The following TMEM151A variants were observed in gnomAD, a reference collection of about 807,000 sequenced individuals.
TMEM151A encodes the protein transmembrane protein 151.
TMEM151A carries 21 observed loss-of-function variants against 33.7 expected under a neutral mutation model. The ratio of observed to expected loss-of-function variants is 0.62; its 90% CI spans 0.44 to 0.90. The LOEUF (loss-of-function observed/expected upper bound fraction) is 0.90, where lower values mean the gene tolerates loss of function less well. Ranked by LOEUF, TMEM151A falls within the 40% of genes least tolerant of loss-of-function variation. TMEM151A has a pLI of 0.00. For synonymous variants in TMEM151A, 374 were observed against 330.3 expected, an observed-to-expected ratio of 1.13 and a Z score of -1.43; for missense variants, 704 against 697.7, an observed-to-expected ratio of 1.01 and a Z score of -0.10.
rs755396787 is a variant in TMEM151A, at chr11:66,294,418, G to A, written c.172G>A (p.Val58Met). The change falls in exon 2 of 2, where the codon GTG becomes ATG. Residue 58 changes from valine (V) to methionine (M), a missense_variant. Around this residue, in one of 3 missense-constraint regions of TMEM151A, gnomAD observed 301 missense variants for 323.4 expected, o/e 0.93. Coordinates refer to ENST00000327259, the MANE Select transcript of TMEM151A (RefSeq NM_153266.4). ...LTLLIHACGA[V>M]VAWCRLATVP... Reference sequence around the variant, plus strand: ...GCTGCTCATCCACGCCTGCGGGGCCGTGGTGGCCTGGTGTCGCCTGGCCAC... The same window carrying A: ...GCTGCTCATCCACGCCTGCGGGGCCATGGTGGCCTGGTGTCGCCTGGCCAC... The A allele has an allele frequency of 3.1e-5, 50 of 1,611,450 alleles. No homozygotes were observed. Among genetic ancestry groups the A allele is most frequent in the Non-Finnish European group, 3.8e-5 (45 of 1,179,674 alleles).
chr11:66,294,067 G>A (rs1279583530), intron 1 of TMEM151A, among the ~76,000 whole-genome samples: 2 of 152,240 alleles, frequency 1.3e-5, no homozygotes, highest in East Asian at 3.8e-4. Flanking sequence ...TCCTGTGTGC[G>A]GTTTGCCGAG....
intron 1 of TMEM151A, 146 bp from the exon 2 acceptor site, chr11:66,294,174 AGC>A (rs1354331617): frequency 8.0e-7 from 1 of 1,249,304 alleles, no homozygotes; most frequent in Non-Finnish European, 1.1e-6. Context: ...TGAAGCCTGG[AGC>A]AAGCTGCTCA....
rs376810112 is a variant in TMEM151A, at chr11:66,294,328, C to T, written c.82C>T (p.Pro28Ser). The T allele has an allele frequency of 2.7e-5, 43 of 1,607,658 alleles. No homozygotes were observed. The highest frequency in any genetic ancestry group is 8.5e-7 in the Non-Finnish European group (1 of 1,179,664). The change falls in exon 2 of 2, where the codon CCC (proline) becomes TCC (serine). Residue 28 changes from proline to serine, a missense_variant. Coordinates refer to ENST00000327259, the MANE Select transcript of TMEM151A (RefSeq NM_153266.4). Reference sequence around the variant, plus strand: ...TTTCTCTGCCCACCTGCAGCAGCGGCCCCTGAAACAGTCCCTGGGAAGCTC... The same window carrying T: ...TTTCTCTGCCCACCTGCAGCAGCGGTCCCTGAAACAGTCCCTGGGAAGCTC... ...DGEPLREEQR[P>S]LKQSLGSSLC...
chr11:66,295,635 TG>T lies in TMEM151A; in HGVS notation c.1392del (p.Gln465ArgfsTer23). 1 of 1,537,924 alleles carries T rather than the reference TG, an allele frequency of 6.5e-7. No individual in the cohort carries two copies. On this transcript the variant is annotated frameshift_variant, in exon 2 of 2. Coordinates refer to ENST00000327259, the MANE Select transcript of TMEM151A (RefSeq NM_153266.4). LOFTEE classifies it high-confidence loss of function. The stretch of plus-strand genomic sequence containing the variant: ...ACGGAGACAGCGGCTGCCAGGGGGA[TG>T]GGCAGGGTGCTCTCTGAGACCCCCC... ...VHGDSGCQGD[G>X]QGAL
chr11:66,295,301 C>T lies in TMEM151A; in HGVS notation c.1055C>T (p.Ser352Phe), dbSNP rs1318638034. ...ACTGAGCTCGAGTGGCACATCTGCT[C>T]CAACCGGCAGCTGGTGCCCAGCTAC... ...DFTELEWHIC[S>F]NRQLVPSYSE... is the part of the protein sequence containing the mutation. Residue 352 changes from serine (S) to phenylalanine (F), a missense_variant, in exon 2 of 2, where the codon TCC becomes TTC. By Grantham distance (155) the Ser-to-Phe change is radical. Coordinates refer to ENST00000327259, the MANE Select transcript of TMEM151A (RefSeq NM_153266.4). The T allele has an allele frequency of 1.3e-6, 2 of 1,583,104 alleles. No homozygotes were observed. The highest frequency in any genetic ancestry group is 2.3e-5 in the East Asian group (1 of 43,382).
Position 66,295,006 on chromosome 11 carries a change from G to C in TMEM151A, c.760G>C (p.Glu254Gln). The change falls in exon 2 of 2, where the codon GAG becomes CAG. Residue 254 changes from glutamate to glutamine, a missense_variant. By Grantham distance (29) the Glu-to-Gln change is conservative. Coordinates refer to ENST00000327259, the MANE Select transcript of TMEM151A (RefSeq NM_153266.4). ...CAACGAGGGCCTGGACGACTATCTG[G>C]AGGCGCGCGAGGGCATGCACCTGAA... ...SANEGLDDYL[E>Q]AREGMHLKDV... 1 of 1,594,230 alleles carries C rather than the reference G, an allele frequency of 6.3e-7. No homozygotes were observed. The highest frequency in any genetic ancestry group is 1.3e-5 in the African/African-American group (1 of 74,888).
At chr11:66,293,243 G>T (rs1300340431) in intron 1 of TMEM151A, among the ~76,000 whole-genome samples, 1 of 152,138 alleles carries the variant, frequency 6.6e-6, no homozygotes, top group African/African-American at 2.4e-5. Flanking sequence ...GCTGTATCTG[G>T]GCTGGGCTAG....
Position 66,292,155 on chromosome 11 carries a change from C to T in TMEM151A, c.75+67C>T. 7.7e-7 allele frequency: 1 copy of T among 1,296,430 alleles called. No homozygotes were observed. The highest frequency in any genetic ancestry group is 1.0e-6 in the Non-Finnish European group (1 of 1,004,332). 80.3% of individuals were successfully genotyped at this position (1,296,430 alleles called of 1,614,324 possible). On this transcript the variant is annotated intron_variant, in intron 1 of 1. Transcript: ENST00000327259. This position sits in a 1 kb window ranked among gnomAD's most constrained non-coding sequence, Gnocchi z 4.7. ...TGAGAGGGACCAGTGCAAAAGGCGA[C>T]CCCAAGAGAGGGGCTGAGGAGGGAA...
In TMEM151A at chr11:66,294,663, C is replaced by A; in HGVS notation, c.417C>A (p.Ile139=). Residue 139 remains isoleucine (I), a synonymous_variant, in exon 2 of 2, where the codon ATC becomes ATA. Coordinates refer to ENST00000327259, the MANE Select transcript of TMEM151A (RefSeq NM_153266.4). Reference sequence around the variant, plus strand: ...ACGCCCACACGGTGCTGGCGCTGATCCGCCGGCTGCAGCAGGCGCCGCCGT... The same window carrying A: ...ACGCCCACACGGTGCTGGCGCTGATACGCCGGCTGCAGCAGGCGCCGCCGT... ...RTDAHTVLAL[I]RRLQQAPPCV... is the part of the protein sequence containing the mutation. 6.2e-7 allele frequency: 1 copy of A among 1,601,756 alleles called. No homozygotes were observed. The highest frequency in any genetic ancestry group is 8.5e-7 in the Non-Finnish European group (1 of 1,174,762).
rs1857464510 is a variant in TMEM151A at position 66,292,344 on chromosome 11, C to T, written c.75+256C>T. The stretch of plus-strand genomic sequence containing the variant: ...TCCAGCCTCGCCCGTCCTGTGACGT[C>T]AGTGCCTGGCCCCCACGCGTCCCAG... On this transcript the variant is annotated intron_variant, in intron 1 of 1. Coordinates refer to ENST00000327259, the MANE Select transcript of TMEM151A (RefSeq NM_153266.4). This position sits in a 1 kb window ranked among gnomAD's most constrained non-coding sequence, Gnocchi z 4.7. Among the ~76,000 whole-genome samples the T allele has an allele frequency of 6.6e-6, 1 of 152,182 alleles. No individual in the cohort carries two copies. The highest frequency in any genetic ancestry group is 6.5e-5 in the Admixed American group (1 of 15,282).
Position 66,292,232 on chromosome 11 carries a change from C to G in TMEM151A, c.75+144C>G. ...GTCATTGGGGTCACCTGCGCCCTGC[C>G]AAGGGTCCAGGGGCCCGCGTTGGGG... On this transcript the variant is annotated intron_variant, in intron 1 of 1. Coordinates refer to ENST00000327259, the MANE Select transcript of TMEM151A (RefSeq NM_153266.4). The surrounding 1 kb of genome is among the most constrained non-coding windows in gnomAD (Gnocchi z 4.7). The G allele has an allele frequency of 1.4e-6, 1 of 710,746 alleles. No homozygotes were observed. The highest frequency in any genetic ancestry group is 2.4e-5 in the South Asian group (1 of 40,906). The allele number at this position is 710,746 out of a possible 1,614,324, so 44.0% of individuals were successfully genotyped here. A position where few individuals can be genotyped will look rare whatever the true frequency, so the allele number is the denominator to read the frequency against.
At chr11:66,294,224 G>A in intron 1 of TMEM151A, 98 bp from the exon 2 acceptor site, 2 of 1,526,326 alleles carry the variant, frequency 1.3e-6, no homozygotes, top group Admixed American at 1.9e-5. Flanking sequence ...GTAAAATGGG[G>A]CTCACGGTAT....
intron 1 of TMEM151A, among the ~76,000 whole-genome samples, chr11:66,293,011 CGTGTGT>C (rs147445507): frequency 1.3e-5 from 2 of 151,376 alleles, no homozygotes. Context: ...GTGGTGTGTG[CGTGTGT>C]GTGTGTATGT....
Position 66,295,010 on chromosome 11 carries a change from C to T in TMEM151A, c.764C>T (p.Ala255Val), listed in dbSNP as rs1429041351. The part of the protein sequence containing the change: ...ANEGLDDYLE[A>V]REGMHLKDVD... ...GAGGGCCTGGACGACTATCTGGAGG[C>T]GCGCGAGGGCATGCACCTGAAGGAC... is the stretch of plus-strand genomic sequence containing the variant. The change falls in exon 2 of 2, where the codon GCG becomes GTG. Residue 255 changes from alanine to valine, a missense_variant. By Grantham distance (64) the Ala-to-Val change is moderately conservative. This residue lies in a region of TMEM151A where 398 missense variants were observed against 356.0 expected (regional missense o/e 1.12). Transcript: ENST00000327259. 6.3e-7 allele frequency: 1 copy of T among 1,592,928 alleles called. No homozygotes were observed. The highest frequency in any genetic ancestry group is 8.5e-7 in the Non-Finnish European group (1 of 1,176,396).
At position 66,291,919 on chromosome 11, in the gene TMEM151A, G is replaced by A. The variant is rs1288556954; in HGVS notation, c.-95G>A. The A allele has an allele frequency of 1.8e-5, 18 of 975,304 alleles. No individual in the cohort carries two copies. The highest frequency in any genetic ancestry group is 2.5e-5 in the Non-Finnish European group (18 of 724,808). 60.4% of individuals were successfully genotyped at this position (975,304 alleles called of 1,614,324 possible). On this transcript the variant is annotated 5_prime_UTR_variant, in exon 1 of 2. Coordinates refer to ENST00000327259, the MANE Select transcript of TMEM151A (RefSeq NM_153266.4). ...GCACTCCCTCCGCGGCCGCTGAGCC[G>A]AGCGGACGCCCCCGGGGGCCGCGTC...
rs1655671156 is a variant in TMEM151A, at chr11:66,296,418, G to C, written c.*765G>C. 6.5e-6 allele frequency: 1 copy of C among 152,742 alleles called. No individual in the cohort carries two copies. Among genetic ancestry groups the C allele is most frequent in the Non-Finnish European group, 1.5e-5 (1 of 68,208 alleles). 9.5% of individuals were successfully genotyped at this position (152,742 alleles called of 1,614,324 possible). A position where few individuals can be genotyped will look rare whatever the true frequency, so the allele number is the denominator to read the frequency against. ...CTCTTCACTTTCCTGATGATCCATG[G>C]GGCCCAGGCCTAGAGGGCATCCGAG... On this transcript the variant is annotated 3_prime_UTR_variant, in exon 2 of 2. Coordinates refer to ENST00000327259, the MANE Select transcript of TMEM151A (RefSeq NM_153266.4).
Position 66,292,150 on chromosome 11 carries a change from G to A in TMEM151A, c.75+62G>A, listed in dbSNP as rs897184131. ...CGGCGTGAGAGGGACCAGTGCAAAA[G>A]GCGACCCCAAGAGAGGGGCTGAGGA... On this transcript the variant is annotated intron_variant, in intron 1 of 1. Transcript: ENST00000327259. The surrounding 1 kb of genome is among the most constrained non-coding windows in gnomAD (Gnocchi z 4.7). The A allele has an allele frequency of 2.6e-5, 34 of 1,328,958 alleles. No individual in the cohort carries two copies. In the Admixed American group the frequency reaches 1.2e-3, roughly 48 times the overall value. The allele number at this position is 1,328,958 out of a possible 1,614,324, so 82.3% of individuals were successfully genotyped here.
At chr11:66,293,011 C>T (rs1055717052) in intron 1 of TMEM151A, among the ~76,000 whole-genome samples, 1 of 151,376 alleles carries the variant, frequency 6.6e-6, no homozygotes, top group Non-Finnish European at 1.5e-5. Flanking sequence ...GTGGTGTGTG[C>T]GTGTGTGTGT....
In TMEM151A at chr11:66,294,383, T is replaced by G; in HGVS notation, c.137T>G (p.Leu46Arg). Residue 46 changes from leucine (L) to arginine (R), a missense_variant, in exon 2 of 2, where the codon CTG becomes CGG. Leu to Arg is a moderately radical substitution (Grantham distance 102). Around this residue, in one of 3 missense-constraint regions of TMEM151A, gnomAD observed 301 missense variants for 323.4 expected, o/e 0.93. Transcript: ENST00000327259. ...TGCCGCGAGTCGCACTGGAAGTGCCTGCTCCTCACGCTGCTCATCCACGCC... is the reference window on the plus strand; with the variant it reads ...TGCCGCGAGTCGCACTGGAAGTGCCGGCTCCTCACGCTGCTCATCCACGCC... ...SLCRESHWKC[L>R]LLTLLIHACG... The G allele has an allele frequency of 6.2e-7, 1 of 1,611,534 alleles. No homozygotes were observed. The highest frequency in any genetic ancestry group is 8.5e-7 in the Non-Finnish European group (1 of 1,179,900).
Sources: allele counts gnomAD v4.1 joint callset (sites outside exome capture counted in the v4.1 genomes callset), GRCh38; gene constraint gnomAD v4.1.1; regional missense constraint gnomAD v4.1.1; non-coding constraint Gnocchi (gnomAD v3.1); transcripts MANE v1.5; gene names NCBI Gene and HGNC (gene_info 2026-07-23, HGNC 2026-07-21).